LANCL1: variants seen among roughly 807,000 people sequenced by gnomAD.
LANCL1 encodes LanC like glutathione S-transferase 1.
LANCL1 carries 50 observed loss-of-function variants against 50.6 expected under a neutral mutation model. That is an observed-to-expected ratio of 0.99 (90% CI 0.79 to 1.25). The LOEUF (loss-of-function observed/expected upper bound fraction) is 1.25, where lower values mean the gene tolerates loss of function less well. Ranked by LOEUF, LANCL1 falls within the 50% of genes most tolerant of loss-of-function variation. LANCL1 has a pLI of 0.00. For synonymous variants in LANCL1, 188 were observed against 178.6 expected, an observed-to-expected ratio of 1.05 and a Z score of -0.42; for missense variants, 532 against 480.7, an observed-to-expected ratio of 1.11 and a Z score of -1.00.
rs566230059 is a variant in LANCL1 at position 210,431,750 on chromosome 2, T to C, written c.*2737A>G. On this transcript the variant is annotated 3_prime_UTR_variant, in exon 10 of 10. Transcript: ENST00000450366. ...CATGAAGGTTTTTGATGCCAAATAA[T>C]TGGAACTGACATCAAAGATGAAAAG... 6.6e-6 allele frequency: 1 copy of C among 152,238 alleles called. No individual in the cohort carries two copies. The highest frequency in any genetic ancestry group is 2.4e-5 in the African/African-American group (1 of 41,538). 9.4% of individuals were successfully genotyped at this position (152,238 alleles called of 1,614,324 possible).
At chr2:210,441,480 G>T in intron 4 of LANCL1, 37 bp from the exon 5 acceptor site, 2 of 1,573,056 alleles carry the variant, frequency 1.3e-6, no homozygotes, top group Non-Finnish European at 1.7e-6. Flanking sequence ...TAATTTGAAA[G>T]GAACCAGGTA....
At chr2:210,477,569 C>G, upstream of LANCL1, 1 of 1,396,856 alleles carries the variant, frequency 7.2e-7, no homozygotes, top group Non-Finnish European at 9.3e-7. Flanking sequence ...CTCCAGACCT[C>G]CAACTGGAGA....
chr2:210,471,410 C>T (rs1488972781), intron 3 of LANCL1: 4 of 359,456 alleles, frequency 1.1e-5, no homozygotes, highest in Non-Finnish European at 2.2e-5. Context: ...CCTAAACCTC[C>T]TCCAGCCTCT....
chr2:210,454,219 TACACACAC>T lies in LANCL1; in HGVS notation c.407+880_407+887del, dbSNP rs3836055. Among the ~76,000 whole-genome samples, 558 of 147,714 alleles carry T rather than the reference TACACACAC, an allele frequency of 3.8e-3. 1 individual carries two copies. The highest frequency in any genetic ancestry group is 0.011 in the African/African-American group (449 of 40,200). ...GGGAGAGAAGGGAGATATGCATACA[TACACACAC>T]ACACACACACACACACACACACACA... On this transcript the variant is annotated intron_variant, in intron 4 of 9. Transcript: ENST00000450366.
chr2:210,437,102 C>T lies in LANCL1; in HGVS notation c.873+588G>A, dbSNP rs1171968616. On this transcript the variant is annotated intron_variant, in intron 7 of 9. Coordinates refer to ENST00000450366, the MANE Select transcript of LANCL1 (RefSeq NM_006055.3). ...TCATAGATATCTTTTTTTTTCTCAA[C>T]TAAAAATCTGCGTTGATTGCAGTTC... 2.6e-5 allele frequency among the ~76,000 whole-genome samples: 4 copies of T among 152,040 alleles called. No homozygotes were observed. In the East Asian group the frequency reaches 7.7e-4, roughly 29 times the overall value.
chr2:210,457,481 A>T (rs1399026310), intron 3 of LANCL1, among the ~76,000 whole-genome samples: 2 of 152,166 alleles, frequency 1.3e-5, no homozygotes, highest in Non-Finnish European at 2.9e-5. Context: ...CAAGGTGGGA[A>T]ATAAAAACAC....
chr2:210,472,724 C>A (rs1280289249), intron 2 of LANCL1, among the ~76,000 whole-genome samples: 1 of 152,216 alleles, frequency 6.6e-6, no homozygotes, highest in Non-Finnish European at 1.5e-5. Context: ...TTGCTCAACT[C>A]ATAACTTCTT....
At chr2:210,449,449 A>G (rs1443903255) in intron 4 of LANCL1, among the ~76,000 whole-genome samples, 1 of 152,192 alleles carries the variant, frequency 6.6e-6, no homozygotes, top group Non-Finnish European at 1.5e-5. Flanking sequence ...GCACAAAACA[A>G]GGATGCCCTC....
chr2:210,464,170 T>C (rs1219175244), intron 3 of LANCL1, among the ~76,000 whole-genome samples: 1 of 152,214 alleles, frequency 6.6e-6, no homozygotes, highest in African/African-American at 2.4e-5. Flanking sequence ...ATAATCCTAT[T>C]CTAAATCCTA....
Position 210,435,426 on chromosome 2 carries a change from C to A in LANCL1, c.1084G>T (p.Gly362Ter), listed in dbSNP as rs1196378645. Residue 362 changes from glycine to a stop codon, truncating the protein, a stop_gained, in exon 9 of 10, where the codon GGA becomes TGA. Transcript: ENST00000450366. LOFTEE classifies it high-confidence loss of function. Reference protein sequence around the residue: ...AEWCLEYGEHGCRTPDTPFSL... With the variant: ...AEWCLEYGEH ...AAAGGGGTGTCTGGTGTTCTGCATC[C>A]ATGTTCTCCATACTCTAAGCACCAT... is the stretch of plus-strand genomic sequence containing the variant. The A allele has an allele frequency of 1.2e-6, 2 of 1,613,548 alleles. No individual in the cohort carries two copies. Among genetic ancestry groups the A allele is most frequent in the African/African-American group, 2.7e-5 (2 of 74,994 alleles).
intron 4 of LANCL1, among the ~76,000 whole-genome samples, chr2:210,447,594 T>G (rs1039393330): frequency 6.6e-6 from 1 of 152,132 alleles, no homozygotes; most frequent in East Asian, 1.9e-4. Context: ...ATAGGTATGC[T>G]GTATTCAGGA....
At chr2:210,456,022 T>C (rs1693664714) in intron 3 of LANCL1, among the ~76,000 whole-genome samples, 1 of 152,184 alleles carries the variant, frequency 6.6e-6, no homozygotes. Context: ...GATCAGTTTC[T>C]TACCCTACTC....
In LANCL1 at chr2:210,437,850, C is replaced by T. The variant is rs1692988224; in HGVS notation, c.713G>A (p.Gly238Glu). Residue 238 changes from glycine (G) to glutamate (E), a missense_variant, in exon 7 of 10, where the codon GGG becomes GAG. Physicochemically the swap from Gly to Glu is moderately conservative, Grantham distance 98. Coordinates refer to ENST00000450366, the MANE Select transcript of LANCL1 (RefSeq NM_006055.3). ...LMQPSLQVSQ[G>E]KLHSLVKPSV... ...GGGCTTGACCAAACTATGTAACTTC[C>T]CTTGGCTCACTTGAAGGCTGGGCTA... The T allele has an allele frequency of 1.3e-6, 2 of 1,597,380 alleles. No individual in the cohort carries two copies. Among genetic ancestry groups the T allele is most frequent in the African/African-American group, 1.3e-5 (1 of 74,138 alleles).
chr2:210,443,125 C>T (rs963143408), intron 4 of LANCL1, among the ~76,000 whole-genome samples: 1 of 152,136 alleles, frequency 6.6e-6, no homozygotes, highest in Non-Finnish European at 1.5e-5. Context: ...AAGCCCCACC[C>T]TTTTCATCAG....
intron 3 of LANCL1, among the ~76,000 whole-genome samples, chr2:210,464,742 G>A (rs1181955880): frequency 6.8e-6 from 1 of 146,936 alleles, no homozygotes; most frequent in Non-Finnish European, 1.5e-5. Context: ...TGAGGCGGGT[G>A]GATCATGAGG....
At chr2:210,476,048 T>C (rs551725999) in intron 2 of LANCL1, among the ~76,000 whole-genome samples, 4 of 152,212 alleles carry the variant, frequency 2.6e-5, no homozygotes, top group Non-Finnish European at 4.4e-5. Context: ...GCCAATTACA[T>C]AGTAAACTAC....
At chr2:210,451,870 G>C (rs1176021498) in intron 4 of LANCL1, among the ~76,000 whole-genome samples, 2 of 152,186 alleles carry the variant, frequency 1.3e-5, no homozygotes, top group African/African-American at 4.8e-5. Flanking sequence ...ACAAAGTTTT[G>C]ATACATTCTA....
chr2:210,471,049 T>A (rs1327125492), intron 3 of LANCL1, among the ~76,000 whole-genome samples: 1 of 141,014 alleles, frequency 7.1e-6, no homozygotes, highest in Non-Finnish European at 1.5e-5. Context: ...TTGATTTTTT[T>A]TTTTTTTTTT....
In LANCL1 at chr2:210,476,753, T is replaced by A. The variant is rs1014426255; in HGVS notation, c.-150A>T. On this transcript the variant is annotated 5_prime_UTR_variant, in exon 1 of 10. Transcript: ENST00000450366. ...GCCCCGGACAGTAACAGAAGGGCTA[T>A]TTTACCGCCCAGTTCCTGCCAGGAG... The A allele has an allele frequency of 2.2e-4, 235 of 1,047,056 alleles. No individual in the cohort carries two copies. Among genetic ancestry groups the A allele is most frequent in the Admixed American group, 7.4e-4 (15 of 20,136 alleles). 64.9% of individuals were successfully genotyped at this position (1,047,056 alleles called of 1,614,324 possible).
Sources: gnomAD v4.1 joint callset for allele counts (sites outside exome capture counted in the v4.1 genomes callset) on GRCh38, gnomAD v4.1.1 for gene constraint, MANE v1.5 for transcripts, NCBI Gene and HGNC (gene_info 2026-07-23, HGNC 2026-07-21) for gene names.